PCCA: variants seen among roughly 807,000 people sequenced by gnomAD.
The protein encoded by PCCA is propionyl-CoA carboxylase alpha chain, mitochondrial.
In PCCA, 74 loss-of-function variants were observed where a neutral mutation model predicts 101.3. That is an observed-to-expected ratio of 0.73 (90% CI 0.61 to 0.89). The LOEUF (loss-of-function observed/expected upper bound fraction) is 0.89, where lower values mean the gene tolerates loss of function less well. Ranked by LOEUF, PCCA falls within the 40% of genes least tolerant of loss-of-function variation. The pLI is 0.00. For missense variants in PCCA, 891 were observed against 907.0 expected, an observed-to-expected ratio of 0.98 and a Z score of 0.23; for synonymous variants, 294 against 313.6, an observed-to-expected ratio of 0.94 and a Z score of 0.66.
intron 7 of PCCA, among the ~76,000 whole-genome samples, chr13:100,221,388 G>C (rs1445284123): frequency 2.6e-5 from 4 of 152,152 alleles, no homozygotes; most frequent in Non-Finnish European, 5.9e-5. Flanking sequence ...TTGAACTGTG[G>C]CTTTTAGTGG....
At chr13:100,187,418 A>G (rs1030890030) in intron 6 of PCCA, among the ~76,000 whole-genome samples, 3 of 152,116 alleles carry the variant, frequency 2.0e-5, no homozygotes, top group African/African-American at 7.2e-5. Context: ...AAATAATGCT[A>G]TTTTTAGTCT....
At chr13:100,401,091 T>C (rs1365602770) in intron 19 of PCCA, among the ~76,000 whole-genome samples, 1 of 152,218 alleles carries the variant, frequency 6.6e-6, no homozygotes, top group Admixed American at 6.5e-5. Context: ...CTATTGTTTC[T>C]TTTCCCATGG....
intron 7 of PCCA, among the ~76,000 whole-genome samples, chr13:100,219,788 A>G (rs1168339074): frequency 6.6e-6 from 1 of 152,228 alleles, no homozygotes; most frequent in Non-Finnish European, 1.5e-5. Flanking sequence ...CTCTTGAATA[A>G]AACAGAACAA....
intron 12 of PCCA, among the ~76,000 whole-genome samples, chr13:100,286,422 A>C (rs1466644953): frequency 6.6e-6 from 1 of 152,168 alleles, no homozygotes; most frequent in Non-Finnish European, 1.5e-5. Flanking sequence ...TTTAAAGAGA[A>C]TGACGGGGTG....
At chr13:100,213,033 C>T (rs2059315011) in intron 7 of PCCA, among the ~76,000 whole-genome samples, 1 of 152,052 alleles carries the variant, frequency 6.6e-6, no homozygotes, top group Non-Finnish European at 1.5e-5. Context: ...ATAATGTCCT[C>T]CAGTTCCATC....
chr13:100,416,387 G>T (rs1445498647), intron 19 of PCCA, among the ~76,000 whole-genome samples: 1 of 151,990 alleles, frequency 6.6e-6, no homozygotes, highest in African/African-American at 2.4e-5. Context: ...TCACCATGTT[G>T]GCCAGGCTAG....
intron 8 of PCCA, chr13:100,236,484 G>C (rs968583182): frequency 6.6e-6 from 1 of 152,278 alleles, no homozygotes; most frequent in African/African-American, 2.4e-5. Flanking sequence ...TTTTAAGATG[G>C]AGTTTTGCTG....
At chr13:100,127,097 C>T (rs1283814993) in intron 4 of PCCA, among the ~76,000 whole-genome samples, 1 of 152,174 alleles carries the variant, frequency 6.6e-6, no homozygotes, top group Non-Finnish European at 1.5e-5. Context: ...GTAAACTAGT[C>T]ATTCCAGTCA....
chr13:100,436,524 A>G (rs148581456), intron 20 of PCCA, among the ~76,000 whole-genome samples: 1 of 152,318 alleles, frequency 6.6e-6, no homozygotes, highest in Non-Finnish European at 1.5e-5. Context: ...TCCTTTTATT[A>G]CTTAGGTGTG....
intron 7 of PCCA, among the ~76,000 whole-genome samples, chr13:100,217,165 G>C (rs988890712): frequency 1.1e-4 from 16 of 149,754 alleles, no homozygotes; most frequent in Middle Eastern, 4.2e-3. Context: ...TTAAATACAA[G>C]ACTGGGTGCA....
chr13:100,447,135 C>T (rs905686869), intron 20 of PCCA, among the ~76,000 whole-genome samples: 1 of 152,190 alleles, frequency 6.6e-6, no homozygotes, highest in African/African-American at 2.4e-5. Context: ...CCTGTAATCC[C>T]AGCGCTTTGG....
intron 8 of PCCA, among the ~76,000 whole-genome samples, chr13:100,248,318 T>C (rs1200235728): frequency 6.6e-6 from 1 of 152,196 alleles, no homozygotes. Flanking sequence ...AAAATGTCTC[T>C]TGTTCTTATT....
At chr13:100,467,154 C>T (rs1232658460) in intron 21 of PCCA, among the ~76,000 whole-genome samples, 1 of 152,068 alleles carries the variant, frequency 6.6e-6, no homozygotes, top group East Asian at 1.9e-4. Flanking sequence ...AGCTGTAGGA[C>T]CAAACCCAGA....
chr13:100,171,152 A>G (rs1280126064), intron 6 of PCCA, among the ~76,000 whole-genome samples: 1 of 152,236 alleles, frequency 6.6e-6, no homozygotes, highest in Non-Finnish European at 1.5e-5. Flanking sequence ...ATTTGTGAAA[A>G]TGTAAAACAT....
intron 21 of PCCA, among the ~76,000 whole-genome samples, chr13:100,510,717 A>G (rs750627055): frequency 7.2e-5 from 11 of 152,250 alleles, no homozygotes; most frequent in Non-Finnish European, 1.6e-4. Context: ...AGAGCTGTAG[A>G]TATGCTGTCA....
intron 20 of PCCA, among the ~76,000 whole-genome samples, chr13:100,446,244 G>A (rs2080823611): frequency 6.6e-6 from 1 of 151,992 alleles, no homozygotes; most frequent in Admixed American, 6.6e-5. Flanking sequence ...TGGGCAGGCT[G>A]GTCTCAAACT....
intron 6 of PCCA, among the ~76,000 whole-genome samples, chr13:100,165,974 A>T (rs1005277678): frequency 5.9e-5 from 9 of 152,242 alleles, no homozygotes; most frequent in African/African-American, 1.9e-4. Context: ...TTATTGAAAT[A>T]TAATTGCTAT....
chr13:100,140,464 A>G (rs2051737821), intron 4 of PCCA, among the ~76,000 whole-genome samples: 1 of 152,184 alleles, frequency 6.6e-6, no homozygotes, highest in Non-Finnish European at 1.5e-5. Flanking sequence ...TGTTGTAAGT[A>G]TCAGGAGCTC....
chr13:100,180,770 G>A (rs1434622660), intron 6 of PCCA, among the ~76,000 whole-genome samples: 3 of 152,214 alleles, frequency 2.0e-5, no homozygotes, highest in African/African-American at 7.2e-5. Context: ...CATGTATATT[G>A]GCATCCTTGT....
Sources: gnomAD v4.1 joint callset for allele counts (sites outside exome capture counted in the v4.1 genomes callset) on GRCh38, gnomAD v4.1.1 for gene constraint, MANE v1.5 for transcripts, NCBI Gene and HGNC (gene_info 2026-07-23, HGNC 2026-07-21) for gene names.